NLK: variants seen among roughly 807,000 people sequenced by gnomAD.
NLK encodes the protein serine/threonine-protein kinase NLK.
In NLK, 11 loss-of-function variants were observed where a neutral mutation model predicts 59.0. The ratio of observed to expected loss-of-function variants is 0.19; its 90% CI spans 0.12 to 0.31. NLK has a LOEUF of 0.31. NLK is among the 10% of genes least tolerant of loss of function. The pLI is 1.00. For synonymous variants in NLK, 235 were observed against 235.9 expected (o/e 1.00, Z 0.03); for missense variants, 410 against 661.1 (o/e 0.62, Z 4.16).
At chr17:28,095,754 A>G (rs1462579743) in intron 1 of NLK, among the ~76,000 whole-genome samples, 1 of 152,214 alleles carries the variant, frequency 6.6e-6, no homozygotes, top group Non-Finnish European at 1.5e-5. Context: ...ACAAAAGAAA[A>G]TCTGCATCAA....
At chr17:28,106,422 C>T (rs1222253889) in intron 1 of NLK, among the ~76,000 whole-genome samples, 3 of 151,980 alleles carry the variant, frequency 2.0e-5, no homozygotes, top group Non-Finnish European at 4.4e-5. Context: ...AGATGTATTC[C>T]TTATAACAGG....
chr17:28,132,627 C>T lies in NLK; in HGVS notation c.596C>T (p.Ser199Phe), dbSNP rs1906568529. Reference sequence around the variant, plus strand: ...TTTTTTTCCTTTTCTCAGGTACTCTCTGCCCTTGACATACTCCAACCTCCA... The same window carrying T: ...TTTTTTTCCTTTTCTCAGGTACTCTTTGCCCTTGACATACTCCAACCTCCA... Reference protein sequence around the residue: ...LCFFKHDNVLSALDILQPPHI... With the variant: ...LCFFKHDNVLFALDILQPPHI... The change falls in exon 3 of 11, where the codon TCT becomes TTT. Residue 199 changes from serine to phenylalanine, a missense_variant. Transcript: ENST00000407008. 1 of 1,608,868 alleles carries T rather than the reference C, an allele frequency of 6.2e-7. No homozygotes were observed. Among genetic ancestry groups the T allele is most frequent in the Non-Finnish European group, 8.5e-7 (1 of 1,177,290 alleles).
At chr17:28,159,217 T>C (rs1907906835) in intron 3 of NLK, among the ~76,000 whole-genome samples, 1 of 152,270 alleles carries the variant, frequency 6.6e-6, no homozygotes, top group Non-Finnish European at 1.5e-5. Flanking sequence ...GAAGGCCAAA[T>C]GATTTATGGC....
rs143806150 is a variant in NLK at position 28,115,550 on chromosome 17, T to C, written c.459-7053T>C. On this transcript the variant is annotated intron_variant, in intron 1 of 10. Transcript: ENST00000407008. ...TACACTATGTAAATTACTGTAGCTT[T>C]ATTATGTCTTCATACCTAGTAGAGC... Among the ~76,000 whole-genome samples, 11 of 152,326 alleles carry C rather than the reference T, an allele frequency of 7.2e-5. No homozygotes were observed. In the East Asian group the frequency reaches 2.1e-3, roughly 29 times the overall value.
At chr17:28,127,798 G>C (rs79580295) in intron 2 of NLK, among the ~76,000 whole-genome samples, 1 of 152,146 alleles carries the variant, frequency 6.6e-6, no homozygotes, top group Non-Finnish European at 1.5e-5. Context: ...TCTTAAAGAA[G>C]TTAAATAAAG....
chr17:28,108,391 G>C (rs1231772976), intron 1 of NLK, among the ~76,000 whole-genome samples: 1 of 151,938 alleles, frequency 6.6e-6, no homozygotes, highest in Admixed American at 6.6e-5. Context: ...TCAAATGTTA[G>C]CTATTATATA....
chr17:28,159,146 T>C (rs577265047), intron 3 of NLK, among the ~76,000 whole-genome samples: 2 of 152,178 alleles, frequency 1.3e-5, no homozygotes, highest in African/African-American at 4.8e-5. Flanking sequence ...AAGGTTGGAG[T>C]GTATCTAGCA....
chr17:28,109,786 A>G (rs1905383549), intron 1 of NLK, among the ~76,000 whole-genome samples: 1 of 152,226 alleles, frequency 6.6e-6, no homozygotes, highest in Admixed American at 6.5e-5. Context: ...GCTGCTATGA[A>G]TATTTACATA....
chr17:28,197,338 G>A (rs191073567), downstream of NLK, among the ~76,000 whole-genome samples: 16 of 151,954 alleles, frequency 1.1e-4, no homozygotes, highest in East Asian at 2.5e-3. Context: ...GCATGGTGGC[G>A]GGCGCCTATA....
intron 3 of NLK, among the ~76,000 whole-genome samples, chr17:28,155,876 C>G (rs1193582143): frequency 6.6e-6 from 1 of 152,048 alleles, no homozygotes; most frequent in African/African-American, 2.4e-5. Context: ...TCATGTATAC[C>G]TATGTAACCT....
intron 1 of NLK, among the ~76,000 whole-genome samples, chr17:28,050,027 T>C (rs1286037198): frequency 6.6e-6 from 1 of 152,216 alleles, no homozygotes; most frequent in Admixed American, 6.5e-5. Flanking sequence ...TATTCAATTA[T>C]TGTATGTTAC....
chr17:28,058,022 G>A lies in NLK; in HGVS notation c.458+14691G>A, dbSNP rs1328330892. Among the ~76,000 whole-genome samples the A allele has an allele frequency of 2.0e-5, 3 of 152,192 alleles. No individual in the cohort carries two copies. In the East Asian group the frequency reaches 5.8e-4, roughly 29 times the overall value. ...TATGTTTACAAGAAATCCAATGACAGCAAGGCTTTAAAAGTGAGGTCTTTC... is the reference window on the plus strand; with the variant it reads ...TATGTTTACAAGAAATCCAATGACAACAAGGCTTTAAAAGTGAGGTCTTTC... On this transcript the variant is annotated intron_variant, in intron 1 of 10. Coordinates refer to ENST00000407008, the MANE Select transcript of NLK (RefSeq NM_016231.5).
chr17:28,076,565 T>TA, intron 1 of NLK, among the ~76,000 whole-genome samples: 1 of 152,290 alleles, frequency 6.6e-6, no homozygotes, highest in East Asian at 1.9e-4. Flanking sequence ...TTCCTGTTGA[T>TA]TAGCTGAAAT....
chr17:28,113,481 AT>A (rs1905615322), intron 1 of NLK, among the ~76,000 whole-genome samples: 1 of 152,220 alleles, frequency 6.6e-6, no homozygotes, highest in African/African-American at 2.4e-5. Flanking sequence ...AGGATGGATT[AT>A]TTATGCCTCC....
chr17:28,197,940 AAG>A (rs1909524769), downstream of NLK, among the ~76,000 whole-genome samples: 1 of 152,190 alleles, frequency 6.6e-6, no homozygotes, highest in Admixed American at 6.5e-5. Flanking sequence ...GAGGAAGAAA[AAG>A]AATAACTAAA....
At chr17:28,186,850 T>C (rs960078561) in intron 8 of NLK, among the ~76,000 whole-genome samples, 1 of 152,178 alleles carries the variant, frequency 6.6e-6, no homozygotes, top group South Asian at 2.1e-4. Flanking sequence ...AAGTGCTTAG[T>C]GATACTATAA....
intron 1 of NLK, among the ~76,000 whole-genome samples, chr17:28,061,787 TA>T (rs1339498137): frequency 2.1e-5 from 3 of 146,258 alleles, no homozygotes; most frequent in African/African-American, 7.5e-5. Context: ...TATACATATA[TA>T]ATATATACAT....
intron 2 of NLK, 49 bp downstream of exon 2, chr17:28,122,781 T>C (rs1016052957): frequency 5.0e-6 from 8 of 1,607,062 alleles, no homozygotes; most frequent in African/African-American, 2.7e-5. Flanking sequence ...GCCTCCTGCA[T>C]TGAATTAGTA....
At chr17:28,190,937 C>A in intron 8 of NLK, 84 bp from the exon 9 acceptor site, 1 of 912,354 alleles carries the variant, frequency 1.1e-6, no homozygotes, top group Non-Finnish European at 1.7e-6. Flanking sequence ...CTATGTCAAG[C>A]AGTTAATGTG....
Sources: gnomAD v4.1 joint callset for allele counts (sites outside exome capture counted in the v4.1 genomes callset) on GRCh38, gnomAD v4.1.1 for gene constraint, MANE v1.5 for transcripts, NCBI Gene and HGNC (gene_info 2026-07-23, HGNC 2026-07-21) for gene names.